Variants in PARP12 observed in about 807,000 individuals in gnomAD.
The protein encoded by PARP12 is poly(ADP-ribose) polymerase family member 12.
Under a neutral mutation model 72.4 loss-of-function variants are expected in PARP12, and 59 were observed. The observed-to-expected ratio is 0.81, with a 90% CI of 0.66 to 1.01. The LOEUF is 1.01. Among genes scored for constraint, PARP12 ranks in the 50% least tolerant of loss-of-function variants. The pLI is 0.00. For synonymous variants in PARP12, 403 were observed against 371.4 expected, an observed-to-expected ratio of 1.09 and a Z score of -0.98; for missense variants, 851 against 914.0, an observed-to-expected ratio of 0.93 and a Z score of 0.89.
rs1815629347 is a variant in PARP12 at position 140,024,147 on chromosome 7, T to A, written c.*413A>T. The A allele has an allele frequency of 6.9e-6, 2 of 291,032 alleles. No homozygotes were observed. Among genetic ancestry groups the A allele is most frequent in the South Asian group, 6.4e-5 (2 of 31,206 alleles). The allele number at this position is 291,032 out of a possible 1,614,324, so 18.0% of individuals were successfully genotyped here. ...CCGCCCGTGGGCTGTCATCCACCGG[T>A]GGCTACTGTGTCATTCTGGAAAAAC... On this transcript the variant is annotated 3_prime_UTR_variant, in exon 12 of 12. Transcript: ENST00000263549.
At chr7:140,051,142 C>T (rs1816941432) in intron 4 of PARP12, among the ~76,000 whole-genome samples, 1 of 152,018 alleles carries the variant, frequency 6.6e-6, no homozygotes, top group South Asian at 2.1e-4. Context: ...TGATGGCTGC[C>T]CAATTCTGTG....
At chr7:140,036,013 GGAGGAGAAGGAGGAGAAGGAGGAGA>G in intron 7 of PARP12, among the ~76,000 whole-genome samples, 1 of 55,772 alleles carries the variant, frequency 1.8e-5, no homozygotes, top group Admixed American at 2.2e-4. Context: ...AGGAGGAGAA[GGAGGAGAAGGAGGAGAAGGAGGAGA>G]AGGAGGAGAA....
chr7:140,038,596 T>C (rs1213738590), intron 6 of PARP12, among the ~76,000 whole-genome samples: 1 of 152,200 alleles, frequency 6.6e-6, no homozygotes, highest in Non-Finnish European at 1.5e-5. Context: ...GTGGAGCACT[T>C]AGTACAGTGC....
rs145038747 is a variant in PARP12, at chr7:140,036,232, A to C, written c.1324+1483T>G. On this transcript the variant is annotated intron_variant, in intron 7 of 11. Coordinates refer to ENST00000263549, the MANE Select transcript of PARP12 (RefSeq NM_022750.4). ...TTGGGAATGATCAAGGTAGTATCTG[A>C]CATTTCTATCTGTTTTGATATTTTC... is the stretch of plus-strand genomic sequence containing the variant. Among the ~76,000 whole-genome samples the C allele has an allele frequency of 6.5e-3, 992 of 152,328 alleles. 4 individuals are homozygous for C. The highest frequency in any genetic ancestry group is 0.023 in the African/African-American group (944 of 41,566).
At chr7:140,046,840 C>G in intron 5 of PARP12, 44 bp downstream of exon 5, 1 of 1,388,242 alleles carries the variant, frequency 7.2e-7, no homozygotes, top group Non-Finnish European at 9.7e-7. Context: ...GTGTCACACA[C>G]AGAAGCCCAG....
intron 1 of PARP12, among the ~76,000 whole-genome samples, chr7:140,059,106 AAAAG>A (rs1280446399): frequency 3.3e-5 from 5 of 152,088 alleles, no homozygotes; most frequent in Non-Finnish European, 5.9e-5. Context: ...AAAAAAAAAA[AAAAG>A]AAAGAAAAAA....
rs536638001 is a variant in PARP12, at chr7:140,038,225, C to A, written c.1183-369G>T. On this transcript the variant is annotated intron_variant, in intron 6 of 11. Transcript: ENST00000263549. ...TGCTGCTTGACTGGGCAGCCCAAGC[C>A]AGGCTGGTCTTACCCGTCTATTCAC... 5 of 985,454 alleles carry A rather than the reference C, an allele frequency of 5.1e-6. No individual in the cohort carries two copies. In the South Asian group the frequency reaches 2.3e-4, roughly 46 times the overall value. 61.0% of individuals were successfully genotyped at this position (985,454 alleles called of 1,614,324 possible). A position where few individuals can be genotyped will look rare whatever the true frequency, so the allele number is the denominator to read the frequency against.
chr7:140,054,644 G>A lies in PARP12; in HGVS notation c.862+18C>T. 7 of 1,572,130 alleles carry A rather than the reference G, an allele frequency of 4.5e-6. No homozygotes were observed. The highest frequency in any genetic ancestry group is 6.1e-6 in the Non-Finnish European group (7 of 1,141,870). On this transcript the variant is annotated intron_variant, in intron 4 of 11. Coordinates refer to ENST00000263549, the MANE Select transcript of PARP12 (RefSeq NM_022750.4). ...TACCCCTCCCACAAGTGGAATGAAG[G>A]AGCCTCTTCCAACTTACCTTGAAAG...
intron 4 of PARP12, among the ~76,000 whole-genome samples, chr7:140,049,016 T>C (rs983847929): frequency 2.0e-5 from 3 of 152,236 alleles, no homozygotes; most frequent in Non-Finnish European, 2.9e-5. Context: ...GCTAATTTGA[T>C]ACTTGAAAAA....
intron 5 of PARP12, among the ~76,000 whole-genome samples, chr7:140,042,962 A>G (rs1253480937): frequency 1.3e-5 from 2 of 152,176 alleles, no homozygotes; most frequent in African/African-American, 2.4e-5. Context: ...TTGGGAGGCC[A>G]AGGCAGGTGG....
At chr7:140,045,005 G>A (rs935678529) in intron 5 of PARP12, among the ~76,000 whole-genome samples, 8 of 151,574 alleles carry the variant, frequency 5.3e-5, no homozygotes. Flanking sequence ...TATTATATCA[G>A]CAATACATAC....
Position 140,027,381 on chromosome 7 carries a change from T to A in PARP12, c.1523A>T (p.Glu508Val). Residue 508 changes from glutamate to valine, a missense_variant, in exon 10 of 12, where the codon GAA becomes GTA. Physicochemically the swap from Glu to Val is moderately radical, Grantham distance 121. Transcript: ENST00000263549. The part of the protein sequence containing the change: ...FQKITLSSSS[E>V]EYQKVWNLFN... ...GAGGTTCCAGACCTTCTGATACTCT[T>A]CCGAGGAAGAACTAAGGGTGATCTT... The A allele has an allele frequency of 1.2e-6, 2 of 1,614,024 alleles. No individual in the cohort carries two copies. Among genetic ancestry groups the A allele is most frequent in the Non-Finnish European group, 1.7e-6 (2 of 1,179,930 alleles).
At chr7:140,042,828 C>T (rs118082014) in intron 5 of PARP12, among the ~76,000 whole-genome samples, 5 of 152,304 alleles carry the variant, frequency 3.3e-5, no homozygotes, top group African/African-American at 9.6e-5. Flanking sequence ...CTGCAAAGAC[C>T]ACCCAGGGTA....
chr7:140,024,192 G>A lies in PARP12; in HGVS notation c.*368C>T. On this transcript the variant is annotated 3_prime_UTR_variant, in exon 12 of 12. Coordinates refer to ENST00000263549, the MANE Select transcript of PARP12 (RefSeq NM_022750.4). ...AAAAACTATGATGCCATGAGACTCT[G>A]AGAAACCGAATCACTGCAGAGACAA... The A allele has an allele frequency of 3.1e-6, 1 of 320,172 alleles. No individual in the cohort carries two copies. Among genetic ancestry groups the A allele is most frequent in the South Asian group, 2.7e-5 (1 of 37,594 alleles). The allele number at this position is 320,172 out of a possible 1,614,324, so 19.8% of individuals were successfully genotyped here. A position where few individuals can be genotyped will look rare whatever the true frequency, so the allele number is the denominator to read the frequency against.
chr7:140,048,260 G>T (rs1816818387), intron 4 of PARP12, among the ~76,000 whole-genome samples: 1 of 152,112 alleles, frequency 6.6e-6, no homozygotes, highest in South Asian at 2.1e-4. Flanking sequence ...ATGGGTTCCG[G>T]TGAGCTGCTC....
intron 3 of PARP12, among the ~76,000 whole-genome samples, chr7:140,055,092 A>T (rs1471360150): frequency 6.6e-6 from 1 of 152,234 alleles, no homozygotes; most frequent in Non-Finnish European, 1.5e-5. Flanking sequence ...CTCCAGACTG[A>T]CTGAATCAGA....
At chr7:140,042,513 G>A (rs186805379) in intron 5 of PARP12, among the ~76,000 whole-genome samples, 4 of 152,362 alleles carry the variant, frequency 2.6e-5, no homozygotes, top group African/African-American at 9.6e-5. Flanking sequence ...CAGTATCGAT[G>A]AGTAACGACA....
At chr7:140,055,584 A>G (rs1479845633) in intron 3 of PARP12, among the ~76,000 whole-genome samples, 1 of 152,136 alleles carries the variant, frequency 6.6e-6, no homozygotes, top group African/African-American at 2.4e-5. Context: ...CTCAAAATCT[A>G]GGTCTATGGG....
In PARP12 at chr7:140,057,882, C is replaced by A. The variant is rs777636912; in HGVS notation, c.462+17G>T. On this transcript the variant is annotated intron_variant, in intron 2 of 11. Coordinates refer to ENST00000263549, the MANE Select transcript of PARP12 (RefSeq NM_022750.4). ...TCCCCAGGGAGCTGTGGAACCCAGA[C>A]TTCCCCTGGCACTCACTTCTGGCAA... is the stretch of plus-strand genomic sequence containing the variant. The A allele has an allele frequency of 8.1e-6, 13 of 1,613,908 alleles. No homozygotes were observed. The highest frequency in any genetic ancestry group is 1.1e-5 in the Non-Finnish European group (13 of 1,179,934).
Sources: gnomAD v4.1 joint callset for allele counts (sites outside exome capture counted in the v4.1 genomes callset) on GRCh38, gnomAD v4.1.1 for gene constraint, MANE v1.5 for transcripts, NCBI Gene and HGNC (gene_info 2026-07-23, HGNC 2026-07-21) for gene names.